Variants in SATL1 observed in about 807,000 individuals in gnomAD.
SATL1 encodes the protein spermidine/spermine N1-acetyl transferase like 1.
In SATL1, 47 loss-of-function variants were observed where a neutral mutation model predicts 51.8. That is an observed-to-expected ratio of 0.91 (90% CI 0.72 to 1.16). SATL1 has a LOEUF of 1.16. Among genes scored for constraint, SATL1 ranks in the 50% most tolerant of loss-of-function variants. The probability of loss-of-function intolerance (pLI) is 0.00; values close to 1 mark genes in which losing one functional copy is unlikely to be tolerated. For missense variants in SATL1, 520 were observed against 526.4 expected (o/e 0.99, Z 0.12); for synonymous variants, 176 against 182.4 (o/e 0.97, Z 0.28).
At chrX:85,156,837 ATATATATATATATATATATATATATAT>A (rs1926602664) in intron 2 of SATL1, among the ~76,000 whole-genome samples, 2 of 14,679 alleles carry the variant, frequency 1.4e-4, no homozygotes, top group Non-Finnish European at 3.5e-4. Flanking sequence ...ATATATATAT[ATATATATATATATATATATATATATAT>A]ATATAAAATA....
chrX:85,120,426 G>A (rs754898122), intron 2 of SATL1, among the ~76,000 whole-genome samples: 6 of 111,541 alleles, frequency 5.4e-5, no homozygotes, highest in African/African-American at 1.6e-4. Context: ...TCAGAGGAAC[G>A]TAATTTTGGG....
intron 2 of SATL1, among the ~76,000 whole-genome samples, chrX:85,184,535 T>C (rs1927272666): frequency 8.9e-6 from 1 of 111,918 alleles, no homozygotes; most frequent in Admixed American, 9.5e-5. Context: ...TTTTATCTCC[T>C]CTGACTACAT....
chrX:85,138,494 T>A (rs1366454184), intron 2 of SATL1, among the ~76,000 whole-genome samples: 4 of 110,816 alleles, frequency 3.6e-5, no homozygotes, highest in Non-Finnish European at 7.6e-5. Flanking sequence ...GACTCGGGAG[T>A]TTTTTTTGTT....
chrX:85,162,506 A>C (rs1317673372), intron 2 of SATL1, among the ~76,000 whole-genome samples: 1 of 111,204 alleles, frequency 9.0e-6, no homozygotes, highest in Non-Finnish European at 1.9e-5. Flanking sequence ...TGACTTCCTC[A>C]TTTCCGATTT....
intron 2 of SATL1, among the ~76,000 whole-genome samples, chrX:85,118,087 C>CTTT (rs747093188): frequency 1.5e-4 from 7 of 46,171 alleles, no homozygotes; most frequent in Admixed American, 3.4e-4. Flanking sequence ...AAGAACTTAG[C>CTTT]TTTTTTTTTT....
intron 2 of SATL1, among the ~76,000 whole-genome samples, chrX:85,201,831 A>G (rs1230509566): frequency 8.0e-5 from 9 of 112,474 alleles, no homozygotes; most frequent in African/African-American, 2.6e-4. Flanking sequence ...TCCATGGTGT[A>G]TATGTACCAC....
chrX:85,212,800 C>T lies in SATL1; in HGVS notation c.-313+11405G>A, dbSNP rs192418744. ...TATGGGAACAAGCATTTATCAACCA[C>T]GCAAATGAAGCCATTCTTTGTATGT... is the stretch of plus-strand genomic sequence containing the variant. On this transcript the variant is annotated intron_variant, in intron 2 of 7. Transcript: ENST00000644105. The T allele has an allele frequency of 9.0e-5, 10 of 111,029 alleles. No individual in the cohort carries two copies. In the East Asian group the frequency reaches 1.7e-3, roughly 19 times the overall value. The allele number at this position is 111,029 out of a possible 1,213,427, so 9.2% of individuals were successfully genotyped here. A position where few individuals can be genotyped will look rare whatever the true frequency, so the allele number is the denominator to read the frequency against.
At chrX:85,113,639 CATG>C (rs1925311258) in intron 2 of SATL1, among the ~76,000 whole-genome samples, 1 of 111,735 alleles carries the variant, frequency 8.9e-6, no homozygotes, top group Non-Finnish European at 1.9e-5. Flanking sequence ...AAAAACAAAT[CATG>C]ATAAGACTGA....
At chrX:85,138,303 G>A (rs1030556173) in intron 2 of SATL1, among the ~76,000 whole-genome samples, 6 of 109,705 alleles carry the variant, frequency 5.5e-5, no homozygotes, top group Admixed American at 9.7e-5. Flanking sequence ...TTGTGGTACC[G>A]ACAACTAAAA....
At chrX:85,141,329 T>C (rs1187188547) in intron 2 of SATL1, among the ~76,000 whole-genome samples, 1 of 112,096 alleles carries the variant, frequency 8.9e-6, no homozygotes, top group Non-Finnish European at 1.9e-5. Flanking sequence ...TGTTGTTAGA[T>C]AGGTAACCAC....
intron 2 of SATL1, among the ~76,000 whole-genome samples, chrX:85,218,140 T>TTA (rs771180237): frequency 1.9e-5 from 2 of 103,782 alleles, no homozygotes; most frequent in Admixed American, 1.0e-4. Flanking sequence ...AGGGAGAAGA[T>TTA]AAAAAAAAAA....
chrX:85,215,533 T>C (rs1193640607), intron 2 of SATL1, among the ~76,000 whole-genome samples: 2 of 112,136 alleles, frequency 1.8e-5, no homozygotes, highest in East Asian at 2.8e-4. Context: ...CCAGATAATA[T>C]TGTAAGTTGT....
intron 1 of SATL1, among the ~76,000 whole-genome samples, chrX:85,230,032 T>C (rs1047621327): frequency 6.3e-5 from 7 of 111,458 alleles, no homozygotes; most frequent in Non-Finnish European, 1.1e-4. Flanking sequence ...GCAATCCCTA[T>C]CAAAATCCCA....
chrX:85,239,902 A>G (rs778405762), intron 1 of SATL1, among the ~76,000 whole-genome samples: 34 of 110,190 alleles, frequency 3.1e-4, no homozygotes, highest in African/African-American at 1.0e-3. Context: ...CTTTTAGGGG[A>G]AAAAAAACCT....
At chrX:85,133,435 A>G (rs889123910) in intron 2 of SATL1, among the ~76,000 whole-genome samples, 6 of 112,394 alleles carry the variant, frequency 5.3e-5, no homozygotes, top group East Asian at 2.8e-4. Flanking sequence ...GCAAGGCTCC[A>G]TGGGTGTGGG....
At chrX:85,188,081 A>G (rs1054237558) in intron 2 of SATL1, among the ~76,000 whole-genome samples, 1 of 111,718 alleles carries the variant, frequency 9.0e-6, no homozygotes, top group Non-Finnish European at 1.9e-5. Flanking sequence ...CATTTTTAGC[A>G]TATTCTACCA....
At chrX:85,096,416 A>G (rs1287581624) in intron 4 of SATL1, among the ~76,000 whole-genome samples, 1 of 111,346 alleles carries the variant, frequency 9.0e-6, no homozygotes, top group Non-Finnish European at 1.9e-5. Context: ...TGTCTGTGGA[A>G]CATCATCATC....
chrX:85,130,176 G>A (rs1362555050), intron 2 of SATL1, among the ~76,000 whole-genome samples: 2 of 111,920 alleles, frequency 1.8e-5, no homozygotes, highest in African/African-American at 6.5e-5. Context: ...GAGTTAAGGA[G>A]GATTCCCTCT....
intron 1 of SATL1, among the ~76,000 whole-genome samples, chrX:85,234,807 C>A (rs1356246821): frequency 9.0e-6 from 1 of 110,829 alleles, no homozygotes; most frequent in Admixed American, 9.6e-5. Flanking sequence ...GACGAGAAGA[C>A]CACAAAACAA....
Sources: gnomAD v4.1 joint callset for allele counts (sites outside exome capture counted in the v4.1 genomes callset) on GRCh38, gnomAD v4.1.1 for gene constraint, MANE v1.5 for transcripts, NCBI Gene and HGNC (gene_info 2026-07-23, HGNC 2026-07-21) for gene names.